The following CNTNAP2 variants were observed in gnomAD, a reference collection of about 807,000 sequenced individuals.
The protein encoded by CNTNAP2 is contactin associated protein 2, also known as contactin-associated protein-like 2.
CNTNAP2 carries 98 observed loss-of-function variants against 155.2 expected under a neutral mutation model. The ratio of observed to expected loss-of-function variants is 0.63; its 90% CI spans 0.54 to 0.75. The LOEUF is 0.75. CNTNAP2 is among the 30% of genes least tolerant of loss of function. CNTNAP2 has a pLI of 0.00. For synonymous variants in CNTNAP2, 651 were observed against 631.2 expected (o/e 1.03, Z -0.47); for missense variants, 1,727 against 1,688.1 (o/e 1.02, Z -0.40).
intron 9 of CNTNAP2, among the ~76,000 whole-genome samples, chr7:147,315,984 T>C (rs1313581290): frequency 6.6e-5 from 10 of 152,074 alleles, no homozygotes; most frequent in Non-Finnish European, 1.3e-4. Context: ...TACATATATA[T>C]GAGACACTTA....
chr7:147,430,912 A>C, intron 10 of CNTNAP2, among the ~76,000 whole-genome samples: 1 of 152,024 alleles, frequency 6.6e-6, no homozygotes, highest in Non-Finnish European at 1.5e-5. Context: ...AAAATACAAA[A>C]AATTAGCCGG....
intron 1 of CNTNAP2, among the ~76,000 whole-genome samples, chr7:146,378,662 C>A (rs1254117023): frequency 6.6e-6 from 1 of 152,144 alleles, no homozygotes; most frequent in Non-Finnish European, 1.5e-5. Context: ...AGTCCATACC[C>A]TTAGCCATTG....
At chr7:146,301,150 T>C (rs2129088354) in intron 1 of CNTNAP2, among the ~76,000 whole-genome samples, 1 of 152,284 alleles carries the variant, frequency 6.6e-6, no homozygotes, top group Middle Eastern at 3.4e-3. Flanking sequence ...CTGTTTATAA[T>C]AATACAATTT....
At chr7:147,919,945 A>C (rs1383071487) in intron 14 of CNTNAP2, among the ~76,000 whole-genome samples, 1 of 152,120 alleles carries the variant, frequency 6.6e-6, no homozygotes, top group Non-Finnish European at 1.5e-5. Context: ...GCAATAAAAA[A>C]TTAAGTTTCC....
intron 18 of CNTNAP2, among the ~76,000 whole-genome samples, chr7:148,213,787 C>T (rs932077879): frequency 6.6e-6 from 1 of 152,148 alleles, no homozygotes; most frequent in African/African-American, 2.4e-5. Context: ...TTTACAGAAG[C>T]CTGTCCTAGG....
At chr7:147,344,712 T>C (rs765031119) in intron 9 of CNTNAP2, among the ~76,000 whole-genome samples, 12 of 152,188 alleles carry the variant, frequency 7.9e-5, no homozygotes, top group Non-Finnish European at 1.5e-4. Flanking sequence ...CTCCTACTTG[T>C]CTTAGTTCTT....
chr7:146,976,187 T>G (rs1032824443), intron 3 of CNTNAP2, among the ~76,000 whole-genome samples: 3 of 152,252 alleles, frequency 2.0e-5, no homozygotes, highest in Non-Finnish European at 4.4e-5. Flanking sequence ...ACTGTTTTCC[T>G]GCTTCTCTCG....
chr7:148,154,002 C>T (rs1022869281), intron 17 of CNTNAP2, among the ~76,000 whole-genome samples: 1 of 152,238 alleles, frequency 6.6e-6, no homozygotes, highest in Non-Finnish European at 1.5e-5. Context: ...AGTCAAGCTC[C>T]TAAGTGGCTC....
chr7:147,748,152 T>C (rs1797075977), intron 13 of CNTNAP2, among the ~76,000 whole-genome samples: 1 of 152,158 alleles, frequency 6.6e-6, no homozygotes, highest in African/African-American at 2.4e-5. Flanking sequence ...TAAATGCAAA[T>C]GACCTTGACA....
intron 11 of CNTNAP2, among the ~76,000 whole-genome samples, chr7:147,530,186 CTT>C (rs35151574): frequency 4.4e-5 from 6 of 136,364 alleles, no homozygotes; most frequent in Non-Finnish European, 6.2e-5. Context: ...GCAAAAGGCA[CTT>C]TTTTTTTTTT....
intron 3 of CNTNAP2, among the ~76,000 whole-genome samples, chr7:146,922,492 T>C (rs1343419531): frequency 1.3e-5 from 2 of 152,070 alleles, no homozygotes; most frequent in African/African-American, 4.8e-5. Flanking sequence ...TATATGGTTG[T>C]TTTGGGAGGT....
At chr7:147,922,403 G>T (rs1383256391) in intron 14 of CNTNAP2, among the ~76,000 whole-genome samples, 1 of 152,178 alleles carries the variant, frequency 6.6e-6, no homozygotes. Context: ...ATCTAGAGGG[G>T]CAATGCCCAG....
chr7:147,173,946 T>C (rs1415144155), intron 8 of CNTNAP2, among the ~76,000 whole-genome samples: 1 of 152,128 alleles, frequency 6.6e-6, no homozygotes, highest in African/African-American at 2.4e-5. Flanking sequence ...CAGAAAATGA[T>C]ACAGAATCAT....
At chr7:146,431,157 A>G (rs7784672) in intron 1 of CNTNAP2, among the ~76,000 whole-genome samples, 59,009 of 151,826 alleles carry the variant, frequency 0.39, 13,089 homozygotes, top group African/African-American at 0.6. Context: ...CTAGAGAAAC[A>G]CAAACTCCAG....
chr7:146,314,752 G>C (rs1563034423), intron 1 of CNTNAP2, among the ~76,000 whole-genome samples: 1 of 152,116 alleles, frequency 6.6e-6, no homozygotes, highest in Admixed American at 6.5e-5. Flanking sequence ...TTACTGCTGG[G>C]TCAAGCTGGG....
chr7:146,301,504 C>T (rs59388204), intron 1 of CNTNAP2, among the ~76,000 whole-genome samples: 21,635 of 151,728 alleles, frequency 0.14, 4,019 homozygotes, highest in African/African-American at 0.43. Flanking sequence ...CAGATACCTG[C>T]AGTCCCAGCT....
chr7:146,414,924 T>C (rs1032316105), intron 1 of CNTNAP2, among the ~76,000 whole-genome samples: 2 of 152,158 alleles, frequency 1.3e-5, no homozygotes, highest in African/African-American at 4.8e-5. Context: ...ACAGTCTCTT[T>C]TGGGGGGAAT....
chr7:146,661,435 C>G (rs1431145528), intron 1 of CNTNAP2, among the ~76,000 whole-genome samples: 1 of 152,094 alleles, frequency 6.6e-6, no homozygotes, highest in East Asian at 1.9e-4. Flanking sequence ...AATCAATATT[C>G]TCCCCCAATC....
At chr7:147,243,071 C>T (rs1464623597) in intron 8 of CNTNAP2, among the ~76,000 whole-genome samples, 3 of 126,324 alleles carry the variant, frequency 2.4e-5, no homozygotes, top group Non-Finnish European at 3.1e-5. Context: ...GATCCTAGCT[C>T]ACTGCAACCT....
Sources: gnomAD v4.1 joint callset for allele counts (sites outside exome capture counted in the v4.1 genomes callset) on GRCh38, gnomAD v4.1.1 for gene constraint, MANE v1.5 for transcripts, NCBI Gene and HGNC (gene_info 2026-07-23, HGNC 2026-07-21) for gene names.